Variants in SLC9C1 observed in about 807,000 individuals in gnomAD.
The protein encoded by SLC9C1 is sodium/hydrogen exchanger 10.
In SLC9C1, 97 loss-of-function variants were observed where a neutral mutation model predicts 140.9. The observed-to-expected ratio is 0.69, with a 90% CI of 0.58 to 0.82. SLC9C1 has a LOEUF of 0.82. Ranked by LOEUF, SLC9C1 falls within the 40% of genes least tolerant of loss-of-function variation. The probability of loss-of-function intolerance (pLI) is 0.00; values close to 1 mark genes in which losing one functional copy is unlikely to be tolerated. For synonymous variants in SLC9C1, 440 were observed against 442.6 expected (o/e 0.99, Z 0.07); for missense variants, 1,340 against 1,389.3 (o/e 0.96, Z 0.56).
intron 12 of SLC9C1, among the ~76,000 whole-genome samples, chr3:112,233,756 T>C (rs2078901462): frequency 6.6e-6 from 1 of 151,888 alleles, no homozygotes; most frequent in African/African-American, 2.4e-5. Context: ...TTGTGATAGT[T>C]GGCTGAGAAT....
At chr3:112,157,036 A>T (rs2075145029) in intron 26 of SLC9C1, among the ~76,000 whole-genome samples, 1 of 151,972 alleles carries the variant, frequency 6.6e-6, no homozygotes, top group African/African-American at 2.4e-5. Context: ...ATATAATCCC[A>T]CTTGTTTATT....
intron 2 of SLC9C1, among the ~76,000 whole-genome samples, chr3:112,281,615 G>A (rs903583601): frequency 8.5e-5 from 13 of 152,218 alleles, no homozygotes; most frequent in African/African-American, 3.1e-4. Flanking sequence ...CTCAAAATAT[G>A]CAGGGAAGGA....
At chr3:112,281,730 G>C (rs149497512) in intron 2 of SLC9C1, among the ~76,000 whole-genome samples, 460 of 152,268 alleles carry the variant, frequency 3.0e-3, no homozygotes, top group Non-Finnish European at 5.2e-3. Context: ...GCATTAAGAA[G>C]AATAAGACAT....
At chr3:112,164,345 T>A (rs2075399628) in intron 26 of SLC9C1, among the ~76,000 whole-genome samples, 1 of 145,834 alleles carries the variant, frequency 6.9e-6, no homozygotes, top group Non-Finnish European at 1.5e-5. Flanking sequence ...TGCTCGTTAG[T>A]GGATGCAGTT....
At chr3:112,272,258 A>C (rs1024250796) in intron 6 of SLC9C1, among the ~76,000 whole-genome samples, 1 of 152,204 alleles carries the variant, frequency 6.6e-6, no homozygotes, top group Admixed American at 6.5e-5. Flanking sequence ...TTTTCCTTTA[A>C]GAAAGGAAAA....
intron 10 of SLC9C1, among the ~76,000 whole-genome samples, chr3:112,255,896 A>C (rs903834111): frequency 1.3e-5 from 2 of 152,176 alleles, no homozygotes; most frequent in Non-Finnish European, 2.9e-5. Context: ...GACAAAGTGT[A>C]TGCTACCACT....
intron 12 of SLC9C1, among the ~76,000 whole-genome samples, chr3:112,236,395 T>G (rs1324161962): frequency 1.3e-5 from 2 of 152,212 alleles, no homozygotes; most frequent in Non-Finnish European, 2.9e-5. Flanking sequence ...GGTCTATCAA[T>G]TTGGTTGATC....
At chr3:112,239,781 T>TTA in intron 12 of SLC9C1, 59 bp downstream of exon 12, 2 of 1,418,174 alleles carry the variant, frequency 1.4e-6, no homozygotes, top group Non-Finnish European at 1.9e-6. Context: ...ATGATCTGAT[T>TTA]TATACTTCAG....
chr3:112,229,369 T>G (rs542393635), intron 13 of SLC9C1, among the ~76,000 whole-genome samples: 1 of 152,246 alleles, frequency 6.6e-6, no homozygotes, highest in African/African-American at 2.4e-5. Context: ...AGGTTTGAAG[T>G]GATCTATATG....
chr3:112,195,777 T>C (rs9871650), intron 20 of SLC9C1, among the ~76,000 whole-genome samples: 45,730 of 152,000 alleles, frequency 0.3, 7,122 homozygotes, highest in African/African-American at 0.35. Flanking sequence ...CAGCTGTTGA[T>C]ATCACAGTAT....
At chr3:112,153,906 A>C (rs9880130) in intron 27 of SLC9C1, among the ~76,000 whole-genome samples, 1,529 of 152,294 alleles carry the variant, frequency 0.01, 25 homozygotes, top group African/African-American at 0.034. Flanking sequence ...AGAAGTCTCC[A>C]AAATCCTTTT....
At chr3:112,176,441 T>C (rs927886908) in intron 23 of SLC9C1, among the ~76,000 whole-genome samples, 1 of 152,232 alleles carries the variant, frequency 6.6e-6, no homozygotes, top group Non-Finnish European at 1.5e-5. Context: ...TAGTCAGCCA[T>C]GTTGGCCACC....
At position 112,182,214 on chromosome 3, in the gene SLC9C1, A is replaced by G. The variant is rs776906571; in HGVS notation, c.2568T>C (p.Ile856=). 1.2e-6 allele frequency: 2 copies of G among 1,607,316 alleles called. No homozygotes were observed. Among genetic ancestry groups the G allele is most frequent in the Non-Finnish European group, 1.7e-6 (2 of 1,177,042 alleles). The change falls in exon 21 of 29, where the codon ATT becomes ATC. Residue 856 remains isoleucine (I), a synonymous_variant. Transcript: ENST00000305815. ...CTTCTTCAACAGTAAGAGGCCTGAT[A>G]ATAGATTGAGAATCAAGCACCTCTT... ...KKKEVLDSQS[I]IRPLTVEEVL... is the part of the protein sequence containing the mutation.
At chr3:112,231,225 C>T in intron 13 of SLC9C1, 136 bp downstream of exon 13, 2 of 940,124 alleles carry the variant, frequency 2.1e-6, no homozygotes, top group Admixed American at 3.1e-5. Flanking sequence ...AAGCAGATTC[C>T]TAAGACAATG....
Position 112,164,239 on chromosome 3 carries a change from G to A in SLC9C1, c.3364+2982C>T, listed in dbSNP as rs986405095. 2.8e-4 allele frequency among the ~76,000 whole-genome samples: 43 copies of A among 151,124 alleles called. 1 individual carries two copies. The highest frequency in any genetic ancestry group is 9.4e-4 in the African/African-American group (38 of 40,568). ...GACTCTTTATACAATTTGCCAGTCT[G>A]TGTCTTTTAATTGGAGCACTTAGTC... On this transcript the variant is annotated intron_variant, in intron 26 of 28. Transcript: ENST00000305815.
At chr3:112,190,229 T>C (rs2077628699) in intron 20 of SLC9C1, among the ~76,000 whole-genome samples, 1 of 152,206 alleles carries the variant, frequency 6.6e-6, no homozygotes, top group Admixed American at 6.5e-5. Flanking sequence ...CTTTATTTCT[T>C]TCTCTTGACT....
chr3:112,267,916 T>C (rs2079969569), intron 7 of SLC9C1, among the ~76,000 whole-genome samples: 1 of 152,136 alleles, frequency 6.6e-6, no homozygotes, highest in Non-Finnish European at 1.5e-5. Flanking sequence ...ATGACTATCT[T>C]GAAGGTACTA....
intron 28 of SLC9C1, among the ~76,000 whole-genome samples, chr3:112,146,180 T>A (rs939526737): frequency 6.6e-6 from 1 of 152,142 alleles, no homozygotes; most frequent in Non-Finnish European, 1.5e-5. Flanking sequence ...CTTTGTCATT[T>A]CTGATTGTGT....
intron 6 of SLC9C1, among the ~76,000 whole-genome samples, chr3:112,272,996 G>A (rs947871730): frequency 6.6e-6 from 1 of 152,012 alleles, no homozygotes; most frequent in Non-Finnish European, 1.5e-5. Flanking sequence ...TGTCATTTCT[G>A]ATATAAGTTT....
Sources: allele counts gnomAD v4.1 joint callset (sites outside exome capture counted in the v4.1 genomes callset), GRCh38; gene constraint gnomAD v4.1.1; transcripts MANE v1.5; gene names NCBI Gene and HGNC (gene_info 2026-07-23, HGNC 2026-07-21).